Variants in TMEM232 observed in about 807,000 individuals in gnomAD.
TMEM232 encodes the protein transmembrane protein 232.
Under a neutral mutation model 78.8 loss-of-function variants are expected in TMEM232, and 80 were observed. The observed-to-expected ratio is 1.01, with a 90% CI of 0.85 to 1.22. The LOEUF (loss-of-function observed/expected upper bound fraction) is 1.22. Among genes scored for constraint, TMEM232 ranks in the 50% most tolerant of loss-of-function variants. The probability of loss-of-function intolerance (pLI) is 0.00; values close to 1 mark genes in which losing one functional copy is unlikely to be tolerated. For missense variants in TMEM232, 881 were observed against 742.2 expected (o/e 1.19, Z -2.17); for synonymous variants, 297 against 254.3 (o/e 1.17, Z -1.60).
intron 12 of TMEM232, among the ~76,000 whole-genome samples, chr5:110,425,138 G>GTT (rs1355944602): frequency 2.6e-5 from 4 of 152,060 alleles, no homozygotes; most frequent in Non-Finnish European, 5.9e-5. Flanking sequence ...CATATAGGAT[G>GTT]ATTAAAGTGC....
intron 11 of TMEM232, among the ~76,000 whole-genome samples, chr5:110,564,620 G>A (rs1046563532): frequency 6.6e-6 from 1 of 151,804 alleles, no homozygotes; most frequent in East Asian, 1.9e-4. Context: ...AAGAAAGTTG[G>A]GACAATAGGC....
At chr5:110,542,769 G>A (rs1455045644) in intron 11 of TMEM232, among the ~76,000 whole-genome samples, 1 of 152,096 alleles carries the variant, frequency 6.6e-6, no homozygotes, top group African/African-American at 2.4e-5. Context: ...CAAGGAACAT[G>A]AGGACCAGTG....
At chr5:110,723,936 C>G (rs1797905751) in intron 1 of TMEM232, among the ~76,000 whole-genome samples, 1 of 152,008 alleles carries the variant, frequency 6.6e-6, no homozygotes, top group African/African-American at 2.4e-5. Flanking sequence ...AAGAGATGAC[C>G]AGGAAGATGA....
intron 11 of TMEM232, among the ~76,000 whole-genome samples, chr5:110,554,578 G>A (rs1191853850): frequency 6.6e-6 from 1 of 152,072 alleles, no homozygotes; most frequent in Admixed American, 6.6e-5. Flanking sequence ...TGAAGACTTT[G>A]GGTCAATGTT....
At chr5:110,696,387 G>T (rs375218806) in intron 1 of TMEM232, among the ~76,000 whole-genome samples, 4,653 of 152,044 alleles carry the variant, frequency 0.031, 185 homozygotes, top group East Asian at 0.17. Context: ...CTTTGAAAAC[G>T]GGCACAAGAC....
intron 12 of TMEM232, among the ~76,000 whole-genome samples, chr5:110,491,195 A>C (rs1198652450): frequency 6.6e-6 from 1 of 151,190 alleles, no homozygotes; most frequent in Non-Finnish European, 1.5e-5. Context: ...GAAGGTAAAC[A>C]CATGGTCCAT....
At chr5:110,551,120 A>T (rs1398806087) in intron 11 of TMEM232, among the ~76,000 whole-genome samples, 3 of 152,286 alleles carry the variant, frequency 2.0e-5, no homozygotes, top group Middle Eastern at 3.4e-3. Flanking sequence ...GCCAGCCCCT[A>T]ATCTAGAATA....
At chr5:110,567,666 T>C (rs1776495114) in intron 11 of TMEM232, among the ~76,000 whole-genome samples, 1 of 151,890 alleles carries the variant, frequency 6.6e-6, no homozygotes, top group African/African-American at 2.4e-5. Flanking sequence ...AGCTAGTGGG[T>C]AACCCAACAA....
rs80145243 is a variant in TMEM232 at position 110,631,462 on chromosome 5, C to T, written c.502-3582G>A. On this transcript the variant is annotated intron_variant, in intron 5 of 13. Transcript: ENST00000455884. ...TATCTGGGGCTGAGGGCAGTGACCC[C>T]ACTTCCACTGGTGGAGTGGCCTCTG... Among the ~76,000 whole-genome samples the T allele has an allele frequency of 1.9e-3, 284 of 152,276 alleles. 2 individuals are homozygous for T. The East Asian group carries it at 0.026, about 14-fold the overall frequency.
intron 3 of TMEM232, among the ~76,000 whole-genome samples, chr5:110,393,738 C>T (rs1296339673): frequency 1.3e-5 from 2 of 151,948 alleles, no homozygotes; most frequent in Non-Finnish European, 2.9e-5. Flanking sequence ...GGGTGGATCA[C>T]CTGAGGTCAG....
chr5:110,470,633 T>C (rs1275526839), intron 12 of TMEM232, among the ~76,000 whole-genome samples: 1 of 152,154 alleles, frequency 6.6e-6, no homozygotes, highest in Non-Finnish European at 1.5e-5. Context: ...TCCTACAGCA[T>C]AGGCCACTGA....
intron 2 of TMEM232, among the ~76,000 whole-genome samples, chr5:110,653,534 C>A (rs548428006): frequency 1.3e-5 from 2 of 152,286 alleles, no homozygotes; most frequent in East Asian, 3.9e-4. Flanking sequence ...TTTCAAAGTT[C>A]TTTCTCTGCT....
At chr5:110,726,924 A>G (rs1198724210), upstream of TMEM232, 2 of 152,358 alleles carry the variant, frequency 1.3e-5, no homozygotes, top group East Asian at 3.9e-4. Context: ...AAGCGGCTTC[A>G]CAGTGCTTTA....
chr5:110,508,716 C>T (rs147913702), intron 12 of TMEM232, among the ~76,000 whole-genome samples: 1,652 of 149,930 alleles, frequency 0.011, 18 homozygotes, highest in Non-Finnish European at 0.017. Flanking sequence ...TTCCCTTTCA[C>T]GAATGAAAAG....
At chr5:110,670,682 C>T (rs1248828699) in intron 1 of TMEM232, among the ~76,000 whole-genome samples, 1 of 151,920 alleles carries the variant, frequency 6.6e-6, no homozygotes, top group Non-Finnish European at 1.5e-5. Context: ...CAGACTGGGT[C>T]TAACTTTAAT....
At chr5:110,577,828 C>T (rs572737843) in intron 10 of TMEM232, among the ~76,000 whole-genome samples, 1 of 152,064 alleles carries the variant, frequency 6.6e-6, no homozygotes, top group African/African-American at 2.4e-5. Flanking sequence ...GATGACAACA[C>T]ATGGAGACAC....
chr5:110,497,153 A>C (rs1304672596), intron 12 of TMEM232, among the ~76,000 whole-genome samples: 1 of 152,068 alleles, frequency 6.6e-6, no homozygotes. Context: ...CTTTAAAAAA[A>C]CCTTATGAGC....
At chr5:110,457,566 T>C (rs552343996) in intron 12 of TMEM232, among the ~76,000 whole-genome samples, 3 of 152,212 alleles carry the variant, frequency 2.0e-5, no homozygotes, top group Non-Finnish European at 2.9e-5. Context: ...TATAGTGATA[T>C]ATATGGTCAT....
intron 4 of TMEM232, among the ~76,000 whole-genome samples, chr5:110,639,216 A>C (rs1786326831): frequency 1.3e-5 from 2 of 152,150 alleles, no homozygotes; most frequent in Admixed American, 6.6e-5. Context: ...GTGTAATCAG[A>C]AGCTGTTGAG....
Sources: gnomAD v4.1 joint callset for allele counts (sites outside exome capture counted in the v4.1 genomes callset) on GRCh38, gnomAD v4.1.1 for gene constraint, MANE v1.5 for transcripts, NCBI Gene and HGNC (gene_info 2026-07-23, HGNC 2026-07-21) for gene names.